SEMA3D: variants seen among roughly 807,000 people sequenced by gnomAD.
SEMA3D encodes the protein semaphorin 3D, also known as semaphorin-3D.
SEMA3D carries 84 observed loss-of-function variants against 100.1 expected under a neutral mutation model. The ratio of observed to expected loss-of-function variants is 0.84; its 90% CI spans 0.70 to 1.01. The LOEUF (loss-of-function observed/expected upper bound fraction) is 1.01, where lower values mean the gene tolerates loss of function less well. Ranked by LOEUF, SEMA3D falls within the 50% of genes least tolerant of loss-of-function variation. The pLI is 0.00. For missense variants in SEMA3D, 875 were observed against 934.1 expected, an observed-to-expected ratio of 0.94 and a Z score of 0.82; for synonymous variants, 312 against 320.7, an observed-to-expected ratio of 0.97 and a Z score of 0.29.
intron 9 of SEMA3D, chr7:85,050,573 C>G (rs1259342922): frequency 1.3e-5 from 5 of 375,532 alleles, no homozygotes; most frequent in Non-Finnish European, 1.9e-5. Context: ...TCTCATTGAT[C>G]AATATTGCCC....
At chr7:85,056,890 C>CAT (rs10525654) in intron 8 of SEMA3D, among the ~76,000 whole-genome samples, 3,955 of 138,432 alleles carry the variant, frequency 0.029, 70 homozygotes, top group Middle Eastern at 0.041. Flanking sequence ...ACATATACAG[C>CAT]ATATATATAT....
At chr7:85,221,314 TATTG>T in the SEMA3D span, among the ~76,000 whole-genome samples, 1 of 152,110 alleles carries the variant, frequency 6.6e-6, no homozygotes, top group East Asian at 1.9e-4. Context: ...GGTAACACTC[TATTG>T]TTTGAAGTAG....
At chr7:85,128,770 T>G (rs915306920) in intron 2 of SEMA3D, among the ~76,000 whole-genome samples, 1 of 151,726 alleles carries the variant, frequency 6.6e-6, no homozygotes, top group African/African-American at 2.4e-5. Flanking sequence ...ATATTCTATT[T>G]TATAACCAAG....
intron 2 of SEMA3D, chr7:85,140,707 A>C: frequency 8.2e-6 from 8 of 978,582 alleles, no homozygotes; most frequent in Non-Finnish European, 9.7e-6. Flanking sequence ...TTAAGAGATA[A>C]ATCTATTTAA....
the SEMA3D span, among the ~76,000 whole-genome samples, chr7:85,198,847 AG>A: frequency 7.8e-6 from 1 of 128,036 alleles, no homozygotes; most frequent in South Asian, 2.6e-4. Context: ...TTTTTTTTCA[AG>A]GGTTTTCTAT....
At chr7:85,003,957 T>C (rs1238577576) in intron 18 of SEMA3D, among the ~76,000 whole-genome samples, 1 of 152,162 alleles carries the variant, frequency 6.6e-6, no homozygotes. Flanking sequence ...AACAAATGTC[T>C]TTAACTTATT....
chr7:85,067,741 G>A (rs1791666472), intron 7 of SEMA3D, among the ~76,000 whole-genome samples: 1 of 152,100 alleles, frequency 6.6e-6, no homozygotes, highest in Non-Finnish European at 1.5e-5. Flanking sequence ...GATATAATCA[G>A]GTTATAGTGA....
At chr7:85,159,952 C>T (rs1008689192) in intron 1 of SEMA3D, 54 of 984,706 alleles carry the variant, frequency 5.5e-5, no homozygotes, top group Non-Finnish European at 6.5e-5. Context: ...GAAACACAAG[C>T]CATAAGTTCT....
chr7:85,250,183 G>C, the SEMA3D span, among the ~76,000 whole-genome samples: 1 of 149,878 alleles, frequency 6.7e-6, no homozygotes, highest in Non-Finnish European at 1.5e-5. Flanking sequence ...GGCGCACCAC[G>C]AGATTATAAC....
chr7:85,245,245 G>C, the SEMA3D span, among the ~76,000 whole-genome samples: 5 of 152,108 alleles, frequency 3.3e-5, no homozygotes, highest in African/African-American at 7.2e-5. Context: ...AAGATCATTG[G>C]ACAATATAGA....
At chr7:85,132,246 A>C (rs1789744313) in intron 2 of SEMA3D, among the ~76,000 whole-genome samples, 1 of 151,956 alleles carries the variant, frequency 6.6e-6, no homozygotes, top group African/African-American at 2.4e-5. Context: ...TTTCATAAAT[A>C]GCAAGAAAAC....
rs1789522753 is a variant in SEMA3D at position 84,997,086 on chromosome 7, C to G, written c.*2354G>C. The G allele has an allele frequency of 6.6e-6, 1 of 151,522 alleles. No homozygotes were observed. The highest frequency in any genetic ancestry group is 1.5e-5 in the Non-Finnish European group (1 of 67,806). 9.4% of individuals were successfully genotyped at this position (151,522 alleles called of 1,614,324 possible). On this transcript the variant is annotated 3_prime_UTR_variant, in exon 19 of 19. Transcript: ENST00000284136. Reference sequence around the variant, plus strand: ...TTATCATAAATCAAGAGTATTGTATCCAAAGCAGCCAGAATATTAGATGTG... The same window carrying G: ...TTATCATAAATCAAGAGTATTGTATGCAAAGCAGCCAGAATATTAGATGTG...
intron 2 of SEMA3D, among the ~76,000 whole-genome samples, chr7:85,128,303 G>T (rs1277504542): frequency 6.6e-6 from 1 of 151,954 alleles, no homozygotes; most frequent in Non-Finnish European, 1.5e-5. Flanking sequence ...GAGTAGCTGG[G>T]ATTACAGGCG....
chr7:85,226,411 T>G, the SEMA3D span, among the ~76,000 whole-genome samples: 1 of 152,208 alleles, frequency 6.6e-6, no homozygotes. Context: ...ATATTTTTTA[T>G]AAAACTAGCA....
chr7:85,188,390 G>A (rs1420578338), upstream of SEMA3D, among the ~76,000 whole-genome samples: 2 of 151,962 alleles, frequency 1.3e-5, no homozygotes, highest in Non-Finnish European at 2.9e-5. Context: ...TTAAATCCTC[G>A]TAGACTATTT....
At chr7:85,044,845 A>AT (rs1229353247) in intron 9 of SEMA3D, among the ~76,000 whole-genome samples, 1 of 152,088 alleles carries the variant, frequency 6.6e-6, no homozygotes, top group Non-Finnish European at 1.5e-5. Context: ...AAGCACAATA[A>AT]TTTTTAGTTG....
chr7:85,103,886 G>A (rs1028570498), intron 3 of SEMA3D, among the ~76,000 whole-genome samples: 74 of 151,912 alleles, frequency 4.9e-4, no homozygotes, highest in African/African-American at 1.5e-3. Context: ...TCTTGACCCA[G>A]TACCAGTAAA....
intron 3 of SEMA3D, among the ~76,000 whole-genome samples, chr7:85,112,262 T>G (rs1334721403): frequency 6.6e-6 from 1 of 152,154 alleles, no homozygotes; most frequent in African/African-American, 2.4e-5. Flanking sequence ...AGATATAGCC[T>G]TACTTATTCA....
chr7:85,019,902 A>C (rs2115837380), intron 14 of SEMA3D, among the ~76,000 whole-genome samples: 1 of 151,754 alleles, frequency 6.6e-6, no homozygotes, highest in African/African-American at 2.4e-5. Context: ...ATTGAAAAGT[A>C]AAATTTATAA....
Sources: allele counts gnomAD v4.1 joint callset (sites outside exome capture counted in the v4.1 genomes callset), GRCh38; gene constraint gnomAD v4.1.1; transcripts MANE v1.5; gene names NCBI Gene and HGNC (gene_info 2026-07-23, HGNC 2026-07-21).